The following GALNTL6 variants were observed in gnomAD, a reference collection of about 807,000 sequenced individuals.
The protein encoded by GALNTL6 is polypeptide N-acetylgalactosaminyltransferase like 6.
A neutral mutation model predicts 73.7 loss-of-function variants in GALNTL6; 46 were observed. That is an observed-to-expected ratio of 0.62 (90% CI 0.49 to 0.80). GALNTL6 has a LOEUF of 0.80. Among genes scored for constraint, GALNTL6 ranks in the 30% least tolerant of loss-of-function variants. GALNTL6 has a pLI of 0.00. For missense variants in GALNTL6, 604 were observed against 755.0 expected (o/e 0.80, Z 2.34); for synonymous variants, 259 against 263.7 (o/e 0.98, Z 0.17).
At chr4:172,987,454 G>A (rs1751339732) in intron 10 of GALNTL6, among the ~76,000 whole-genome samples, 1 of 152,234 alleles carries the variant, frequency 6.6e-6, no homozygotes, top group African/African-American at 2.4e-5. Context: ...CATGACACAT[G>A]AGGATTATGG....
At chr4:172,955,355 G>A (rs938068735) in intron 10 of GALNTL6, among the ~76,000 whole-genome samples, 1 of 152,022 alleles carries the variant, frequency 6.6e-6, no homozygotes, top group African/African-American at 2.4e-5. Context: ...GCATGTGCCT[G>A]TAATCCCAGC....
intron 5 of GALNTL6, among the ~76,000 whole-genome samples, chr4:172,655,168 A>G (rs1408868213): frequency 6.6e-6 from 1 of 152,172 alleles, no homozygotes; most frequent in Non-Finnish European, 1.5e-5. Context: ...ATTTCTTTTA[A>G]TACTACCAGA....
At position 171,939,521 on chromosome 4, in the gene GALNTL6, C is replaced by T. The variant is rs983797878; in HGVS notation, c.138+124803C>T. Among the ~76,000 whole-genome samples the T allele has an allele frequency of 2.6e-5, 4 of 151,626 alleles. No homozygotes were observed. The East Asian group carries it at 5.8e-4, about 22-fold the overall frequency. On this transcript the variant is annotated intron_variant, in intron 2 of 12. Coordinates refer to ENST00000506823, the MANE Select transcript of GALNTL6 (RefSeq NM_001034845.3). ...GTAAATGCATCCAGTGAAACAGACA[C>T]AGAATGTATTTTCAATCTCATTAAT...
intron 2 of GALNTL6, among the ~76,000 whole-genome samples, chr4:172,146,312 C>A (rs1725932927): frequency 6.6e-6 from 1 of 152,104 alleles, no homozygotes; most frequent in African/African-American, 2.4e-5. Context: ...ACTTTTTCAA[C>A]ATAAATATTT....
intron 5 of GALNTL6, among the ~76,000 whole-genome samples, chr4:172,785,105 G>A (rs1158590164): frequency 6.6e-6 from 1 of 152,102 alleles, no homozygotes; most frequent in African/African-American, 2.4e-5. Flanking sequence ...GCCCCAGTAT[G>A]TTCTGAGAGT....
intron 2 of GALNTL6, among the ~76,000 whole-genome samples, chr4:172,215,001 CTGAGG>C (rs1472777842): frequency 6.6e-6 from 1 of 152,032 alleles, no homozygotes; most frequent in African/African-American, 2.4e-5. Context: ...TCAAATTTCT[CTGAGG>C]TATTTATGGA....
At chr4:171,838,078 G>A (rs993239395) in intron 2 of GALNTL6, among the ~76,000 whole-genome samples, 11 of 151,286 alleles carry the variant, frequency 7.3e-5, no homozygotes, top group Admixed American at 2.0e-4. Context: ...TTTATTGTGG[G>A]TTTAAAAGTT....
intron 10 of GALNTL6, among the ~76,000 whole-genome samples, chr4:172,996,767 C>T (rs546647038): frequency 5.6e-4 from 86 of 152,302 alleles, no homozygotes; most frequent in Non-Finnish European, 3.1e-4. Flanking sequence ...GATCACAAGA[C>T]GAGCTACTTT....
chr4:172,746,052 T>C (rs1039249486), intron 5 of GALNTL6, among the ~76,000 whole-genome samples: 2 of 144,866 alleles, frequency 1.4e-5, no homozygotes, highest in Non-Finnish European at 3.0e-5. Context: ...ATCAAGATAA[T>C]AAAATTATAA....
intron 5 of GALNTL6, among the ~76,000 whole-genome samples, chr4:172,493,727 C>A (rs1030992151): frequency 6.6e-6 from 1 of 152,074 alleles, no homozygotes; most frequent in Non-Finnish European, 1.5e-5. Flanking sequence ...GATAAGAATG[C>A]CCCCTGTTTA....
At chr4:172,184,364 A>G (rs770047543) in intron 2 of GALNTL6, among the ~76,000 whole-genome samples, 5 of 152,190 alleles carry the variant, frequency 3.3e-5, no homozygotes, top group Non-Finnish European at 5.9e-5. Flanking sequence ...ACTGGTGTGA[A>G]GCTCATGCCC....
chr4:172,927,281 G>A (rs1748108175), intron 8 of GALNTL6, among the ~76,000 whole-genome samples: 1 of 152,218 alleles, frequency 6.6e-6, no homozygotes, highest in Non-Finnish European at 1.5e-5. Context: ...CAAAGGAGCT[G>A]GGAATTATAA....
chr4:172,679,048 T>A (rs1732472744), intron 5 of GALNTL6, among the ~76,000 whole-genome samples: 1 of 152,224 alleles, frequency 6.6e-6, no homozygotes, highest in Non-Finnish European at 1.5e-5. Flanking sequence ...CTATGGACAC[T>A]GAAATTTGAA....
At chr4:172,311,457 T>G (rs1227707485) in intron 3 of GALNTL6, among the ~76,000 whole-genome samples, 157 bp from the exon 4 acceptor site, 1 of 152,186 alleles carries the variant, frequency 6.6e-6, no homozygotes, top group Non-Finnish European at 1.5e-5. Context: ...TTTCATTTAC[T>G]TAAAGGCAAT....
At chr4:172,674,339 A>C (rs1243204450) in intron 5 of GALNTL6, among the ~76,000 whole-genome samples, 2 of 152,000 alleles carry the variant, frequency 1.3e-5, no homozygotes, top group African/African-American at 2.4e-5. Flanking sequence ...TCCACCATTA[A>C]ACTCATGAGC....
chr4:173,000,534 TG>T, intron 10 of GALNTL6, among the ~76,000 whole-genome samples: 1 of 152,346 alleles, frequency 6.6e-6, no homozygotes, highest in Non-Finnish European at 1.5e-5. Context: ...TGGAATATTT[TG>T]TGAAAATAGA....
intron 5 of GALNTL6, among the ~76,000 whole-genome samples, chr4:172,730,820 C>A (rs2111388005): frequency 6.6e-6 from 1 of 152,272 alleles, no homozygotes; most frequent in South Asian, 2.1e-4. Flanking sequence ...GTGGCTCCTG[C>A]CTGTAATCCC....
At chr4:172,285,400 G>A (rs1007960967) in intron 3 of GALNTL6, among the ~76,000 whole-genome samples, 1 of 152,126 alleles carries the variant, frequency 6.6e-6, no homozygotes, top group Non-Finnish European at 1.5e-5. Flanking sequence ...ATCCTGCCAG[G>A]TAGGAAAGTC....
chr4:172,123,244 G>A (rs1475280300), intron 2 of GALNTL6, among the ~76,000 whole-genome samples: 1 of 152,068 alleles, frequency 6.6e-6, no homozygotes, highest in Non-Finnish European at 1.5e-5. Context: ...GCTTCCGATT[G>A]TATCATTTTC....
Sources: allele counts gnomAD v4.1 joint callset (sites outside exome capture counted in the v4.1 genomes callset), GRCh38; gene constraint gnomAD v4.1.1; transcripts MANE v1.5; gene names NCBI Gene and HGNC (gene_info 2026-07-23, HGNC 2026-07-21).